DENND2B: variants seen among roughly 807,000 people sequenced by gnomAD.
The protein encoded by DENND2B is DENN domain-containing protein 2B.
Under a neutral mutation model 116.0 loss-of-function variants are expected in DENND2B, and 32 were observed. The observed-to-expected ratio is 0.28, with a 90% CI of 0.21 to 0.37. The LOEUF (loss-of-function observed/expected upper bound fraction) is 0.37. Among genes scored for constraint, DENND2B ranks in the 10% least tolerant of loss-of-function variants. DENND2B has a pLI of 1.00. For missense variants in DENND2B, 1,276 were observed against 1,477.7 expected (o/e 0.86, Z 2.24); for synonymous variants, 588 against 583.9 (o/e 1.01, Z -0.10).
chr11:8,800,374 G>C (rs1304487686), intron 1 of DENND2B, among the ~76,000 whole-genome samples: 1 of 152,164 alleles, frequency 6.6e-6, no homozygotes, highest in Admixed American at 6.5e-5. Flanking sequence ...CCACTAAGGA[G>C]TACGGGGCAC....
At chr11:8,807,192 T>A (rs555474270) in intron 1 of DENND2B, among the ~76,000 whole-genome samples, 13 of 152,242 alleles carry the variant, frequency 8.5e-5, no homozygotes, top group African/African-American at 2.9e-4. Flanking sequence ...ACGATGGAAA[T>A]GGGGACGTTT....
Position 8,730,930 on chromosome 11 carries a change from G to A in DENND2B, c.360C>T (p.Gly120=), listed in dbSNP as rs763966760. The A allele has an allele frequency of 3.8e-5, 62 of 1,614,090 alleles. No individual in the cohort carries two copies. The highest frequency in any genetic ancestry group is 5.0e-5 in the Non-Finnish European group (59 of 1,180,056). ...CGACCCCTGCTACATCCTGGGCTGCGCCTTGGACACTTTCCTTTTGGGCGT... is the reference window on the plus strand; with the variant it reads ...CGACCCCTGCTACATCCTGGGCTGCACCTTGGACACTTTCCTTTTGGGCGT... ...KRDAQKESVQ[G]AAQDVAGVAA... The change falls in exon 3 of 20, where the codon GGC becomes GGT. Residue 120 remains glycine (G), a synonymous_variant. Coordinates refer to ENST00000313726, the MANE Select transcript of DENND2B (RefSeq NM_213618.2). The surrounding 1 kb of genome is among the most constrained non-coding windows in gnomAD (Gnocchi z 4.1).
chr11:8,718,777 C>T, intron 4 of DENND2B: 6 of 1,026,602 alleles, frequency 5.8e-6, no homozygotes, highest in Non-Finnish European at 7.0e-6. Context: ...TCAGAAAAGT[C>T]CAAAACAGAA....
At chr11:8,829,318 C>T (rs930156841) in intron 4 of DENND2B, among the ~76,000 whole-genome samples, 3 of 152,020 alleles carry the variant, frequency 2.0e-5, no homozygotes, top group South Asian at 4.1e-4. Flanking sequence ...CTGGCCACAG[C>T]GCAATTCAGC....
rs1306186550 is a variant in DENND2B, at chr11:8,776,141, TGCGCGCACGC to T, written c.-25-25426_-25-25417del. ...TTGCACATGCACACAGACACGCACG[TGCGCGCACGC>T]GCGCGCGCGCACACACACACACACA... is the stretch of plus-strand genomic sequence containing the variant. On this transcript the variant is annotated intron_variant, in intron 1 of 19. Coordinates refer to ENST00000313726, the MANE Select transcript of DENND2B (RefSeq NM_213618.2). 164 of 176,374 alleles carry T rather than the reference TGCGCGCACGC, an allele frequency of 9.3e-4. 2 individuals are homozygous for T. Among genetic ancestry groups the T allele is most frequent in the African/African-American group, 6.0e-3 (147 of 24,496 alleles). The allele number at this position is 176,374 out of a possible 1,614,324, so 10.9% of individuals were successfully genotyped here.
intron 2 of DENND2B, among the ~76,000 whole-genome samples, chr11:8,869,154 C>T (rs1390068643): frequency 6.6e-6 from 1 of 152,252 alleles, no homozygotes; most frequent in African/African-American, 2.4e-5. Context: ...TCTCTTTCCC[C>T]AAGGAGTCCA....
rs578106836 is a variant in DENND2B, at chr11:8,775,694, T to G, written c.-25-24969A>C. 5.9e-5 allele frequency among the ~76,000 whole-genome samples: 9 copies of G among 152,294 alleles called. No individual in the cohort carries two copies. In the East Asian group the frequency reaches 1.7e-3, roughly 29 times the overall value. ...AGACGTCCTTGGAGCCATTTCTTCT[T>G]TAACCAAATAAGAGCCAAATATAGC... On this transcript the variant is annotated intron_variant, in intron 1 of 19. Transcript: ENST00000313726.
chr11:8,856,483 T>C (rs1313165762), intron 3 of DENND2B, among the ~76,000 whole-genome samples: 1 of 152,320 alleles, frequency 6.6e-6, no homozygotes, highest in African/African-American at 2.4e-5. Context: ...GTTGAAAACA[T>C]ATGTGGACTA....
Position 8,750,741 on chromosome 11 carries a change from T to C in DENND2B, c.-25-16A>G, listed in dbSNP as rs1424245038. On this transcript the variant is annotated splice_polypyrimidine_tract_variant and intron_variant, in intron 1 of 19. Transcript: ENST00000313726. ...ACCCAGAGCCCTGCAAAGACGACAA[T>C]GCCGGTAAGCCAAGTTTCTATAGGC... 6.2e-7 allele frequency: 1 copy of C among 1,613,260 alleles called. No homozygotes were observed. Among genetic ancestry groups the C allele is most frequent in the Non-Finnish European group, 8.5e-7 (1 of 1,179,436 alleles).
chr11:8,754,082 A>G (rs536148739), intron 1 of DENND2B, among the ~76,000 whole-genome samples: 3 of 150,000 alleles, frequency 2.0e-5, no homozygotes, highest in Non-Finnish European at 4.4e-5. Context: ...GAATTGTACT[A>G]TGTCAAAGAA....
At chr11:8,833,032 C>T (rs866077979) in intron 4 of DENND2B, among the ~76,000 whole-genome samples, 18 of 152,378 alleles carry the variant, frequency 1.2e-4, no homozygotes, top group Middle Eastern at 3.4e-3. Flanking sequence ...TTCCAGGAAG[C>T]AGGCTTCATT....
intron 1 of DENND2B, among the ~76,000 whole-genome samples, chr11:8,771,500 T>C (rs1483368993): frequency 8.3e-6 from 1 of 120,104 alleles, no homozygotes; most frequent in African/African-American, 3.4e-5. Context: ...CTACATATAA[T>C]AAGGAATATA....
At chr11:8,799,306 G>C (rs987751569) in intron 1 of DENND2B, among the ~76,000 whole-genome samples, 1 of 152,172 alleles carries the variant, frequency 6.6e-6, no homozygotes, top group Non-Finnish European at 1.5e-5. Flanking sequence ...GCAGGGACTC[G>C]GAAAGGACAG....
chr11:8,906,359 C>A (rs554047245), intron 1 of DENND2B, among the ~76,000 whole-genome samples: 2 of 151,522 alleles, frequency 1.3e-5, no homozygotes, highest in South Asian at 4.2e-4. Flanking sequence ...GCCACCACGC[C>A]CAGCTAATTT....
chr11:8,702,879 C>T lies in DENND2B; in HGVS notation c.2572-159G>A, dbSNP rs1253060107. ...CAGTAAACCCCTCTTCTCCATCCCTCGGACTACAGCTCTGCTCTCGTAGCA... is the reference window on the plus strand; with the variant it reads ...CAGTAAACCCCTCTTCTCCATCCCTTGGACTACAGCTCTGCTCTCGTAGCA... On this transcript the variant is annotated intron_variant, in intron 13 of 19. Transcript: ENST00000313726. The surrounding 1 kb of genome is among the most constrained non-coding windows in gnomAD (Gnocchi z 4.6). The T allele has an allele frequency of 3.5e-6, 3 of 862,180 alleles. No homozygotes were observed. Among genetic ancestry groups the T allele is most frequent in the African/African-American group, 1.7e-5 (1 of 58,934 alleles). The allele number at this position is 862,180 out of a possible 1,614,324, so 53.4% of individuals were successfully genotyped here. A position where few individuals can be genotyped will look rare whatever the true frequency, so the allele number is the denominator to read the frequency against.
At chr11:8,871,852 G>C (rs1420247249), upstream of DENND2B, among the ~76,000 whole-genome samples, 1 of 152,182 alleles carries the variant, frequency 6.6e-6, no homozygotes, top group East Asian at 1.9e-4. Flanking sequence ...CATTAGCCCA[G>C]TATAACAATC....
chr11:8,693,398 T>G lies in DENND2B; in HGVS notation c.*698A>C, dbSNP rs990676835. On this transcript the variant is annotated 3_prime_UTR_variant, in exon 20 of 20. Coordinates refer to ENST00000313726, the MANE Select transcript of DENND2B (RefSeq NM_213618.2). ...ATTGTTTATTGAGAACACCCGTAGA[T>G]GGGAAGGAGGGATGCCCTGTACCGC... 17 of 152,634 alleles carry G rather than the reference T, an allele frequency of 1.1e-4. No individual in the cohort carries two copies. The highest frequency in any genetic ancestry group is 3.6e-4 in the African/African-American group (15 of 41,414). 9.5% of individuals were successfully genotyped at this position (152,634 alleles called of 1,614,324 possible). A position where few individuals can be genotyped will look rare whatever the true frequency, so the allele number is the denominator to read the frequency against.
At chr11:8,811,902 T>C (rs988066930), upstream of DENND2B, among the ~76,000 whole-genome samples, 1 of 151,928 alleles carries the variant, frequency 6.6e-6, no homozygotes, top group Admixed American at 6.6e-5. Flanking sequence ...CCTGGCTACT[T>C]TTTTAATTTT....
intron 1 of DENND2B, among the ~76,000 whole-genome samples, chr11:8,892,872 A>G (rs1223356551): frequency 1.3e-5 from 2 of 152,238 alleles, no homozygotes; most frequent in African/African-American, 4.8e-5. Flanking sequence ...ATAGAAAAAG[A>G]GGGAATCCTC....
Sources: gnomAD v4.1 joint callset for allele counts (sites outside exome capture counted in the v4.1 genomes callset) on GRCh38, gnomAD v4.1.1 for gene constraint, Gnocchi (gnomAD v3.1) non-coding constraint, MANE v1.5 for transcripts, NCBI Gene and HGNC (gene_info 2026-07-23, HGNC 2026-07-21) for gene names.